The following PRKAR1B variants were observed in gnomAD, a reference collection of about 807,000 sequenced individuals.
PRKAR1B encodes protein kinase cAMP-dependent type I regulatory subunit beta, also known as cAMP-dependent protein kinase type I-beta regulatory subunit.
PRKAR1B carries 22 observed loss-of-function variants against 46.5 expected under a neutral mutation model. That is an observed-to-expected ratio of 0.47 (90% CI 0.34 to 0.68). PRKAR1B has a LOEUF of 0.68. Among genes scored for constraint, PRKAR1B ranks in the 30% least tolerant of loss-of-function variants. PRKAR1B has a pLI of 0.01. For missense variants in PRKAR1B, 445 were observed against 535.6 expected, an observed-to-expected ratio of 0.83 and a Z score of 1.67; for synonymous variants, 259 against 217.7, an observed-to-expected ratio of 1.19 and a Z score of -1.67.
At chr7:587,069 T>A (rs1780647131) in intron 7 of PRKAR1B, among the ~76,000 whole-genome samples, 1 of 152,050 alleles carries the variant, frequency 6.6e-6, no homozygotes, top group South Asian at 2.1e-4. Context: ...GTATTTTTAG[T>A]AGAAACGGGG....
At chr7:609,683 C>CACCT (rs1284146632) in intron 4 of PRKAR1B, among the ~76,000 whole-genome samples, 1 of 152,252 alleles carries the variant, frequency 6.6e-6, no homozygotes, top group Non-Finnish European at 1.5e-5. Context: ...TTCTGAAATG[C>CACCT]ACCTGGGTGA....
At chr7:689,966 C>T (rs1779321485) in intron 2 of PRKAR1B, among the ~76,000 whole-genome samples, 1 of 151,350 alleles carries the variant, frequency 6.6e-6, no homozygotes, top group South Asian at 2.1e-4. Flanking sequence ...CAGGCATGAG[C>T]CACCGCGCCT....
chr7:564,564 G>A (rs933946311), intron 9 of PRKAR1B, among the ~76,000 whole-genome samples: 1 of 152,150 alleles, frequency 6.6e-6, no homozygotes, highest in South Asian at 2.1e-4. Context: ...TCAGGCCCTC[G>A]ACTCCAGCCA....
intron 9 of PRKAR1B, among the ~76,000 whole-genome samples, chr7:555,009 C>T (rs1402776435): frequency 3.3e-5 from 5 of 152,300 alleles, no homozygotes; most frequent in Admixed American, 6.5e-5. Flanking sequence ...GCCGTGGCTC[C>T]GGGAGTCACC....
In PRKAR1B at chr7:685,400, A is replaced by ATG. The variant is rs1282976261; in HGVS notation, c.178-4676_178-4675dup. 1.3e-4 allele frequency among the ~76,000 whole-genome samples: 16 copies of ATG among 124,042 alleles called. 1 individual carries two copies. The highest frequency in any genetic ancestry group is 2.8e-4 in the South Asian group (1 of 3,616). The allele number at this position is 124,042 out of a possible 152,430, so 81.4% of individuals were successfully genotyped here. A position where few individuals can be genotyped will look rare whatever the true frequency, so the allele number is the denominator to read the frequency against. The stretch of plus-strand genomic sequence containing the variant: ...TATATACATACATATATATATATAT[A>ATG]TGTATATATATACCAAAAACATTCC... On this transcript the variant is annotated intron_variant, in intron 2 of 10. Transcript: ENST00000537384.
chr7:715,967 G>T (rs6962497), intron 1 of PRKAR1B, among the ~76,000 whole-genome samples: 3,395 of 151,932 alleles, frequency 0.022, 55 homozygotes, highest in Middle Eastern at 0.038. Context: ...CGCCCGCCTT[G>T]GCCTCCCAAA....
At chr7:591,621 G>A (rs985534705) in intron 7 of PRKAR1B, among the ~76,000 whole-genome samples, 2 of 152,240 alleles carry the variant, frequency 1.3e-5, no homozygotes, top group African/African-American at 4.8e-5. Flanking sequence ...AGGCCAAGGC[G>A]GGAGGGTCGC....
intron 2 of PRKAR1B, chr7:691,652 TC>T: frequency 2.3e-6 from 3 of 1,299,040 alleles, no homozygotes; most frequent in Non-Finnish European, 3.0e-6. Flanking sequence ...CGCCCAGGTC[TC>T]CAGGGAGCTG....
At chr7:656,261 G>C (rs1785179995) in intron 4 of PRKAR1B, among the ~76,000 whole-genome samples, 1 of 151,272 alleles carries the variant, frequency 6.6e-6, no homozygotes, top group Non-Finnish European at 1.5e-5. Context: ...TTAGTGGATG[G>C]GTGGGTGAAT....
At chr7:555,883 C>T (rs766204055) in intron 9 of PRKAR1B, among the ~76,000 whole-genome samples, 1 of 152,294 alleles carries the variant, frequency 6.6e-6, no homozygotes, top group African/African-American at 2.4e-5. Context: ...GACGGGAGCC[C>T]GGGAGGCAGA....
At chr7:576,308 G>T (rs562406407) in intron 9 of PRKAR1B, among the ~76,000 whole-genome samples, 2 of 152,292 alleles carry the variant, frequency 1.3e-5, no homozygotes, top group African/African-American at 4.8e-5. Context: ...CTCCTTCAAC[G>T]CTGGCCAGAA....
At chr7:663,483 T>C (rs1216207855) in intron 4 of PRKAR1B, among the ~76,000 whole-genome samples, 1 of 152,186 alleles carries the variant, frequency 6.6e-6, no homozygotes, top group African/African-American at 2.4e-5. Context: ...GCAATCCCCC[T>C]GCCTCAGCCT....
chr7:636,123 G>GA (rs1177430867), intron 4 of PRKAR1B, among the ~76,000 whole-genome samples: 1 of 21,398 alleles, frequency 4.7e-5, no homozygotes, highest in African/African-American at 1.9e-4. Context: ...TCCTCCACCG[G>GA]CCGCGCCCAC....
chr7:702,881 T>C (rs1562352989), intron 2 of PRKAR1B, among the ~76,000 whole-genome samples: 1 of 151,622 alleles, frequency 6.6e-6, no homozygotes, highest in Non-Finnish European at 1.5e-5. Context: ...CATCATAATA[T>C]ATACTATACT....
intron 4 of PRKAR1B, among the ~76,000 whole-genome samples, chr7:626,544 T>C (rs1783414547): frequency 1.3e-5 from 2 of 152,170 alleles, no homozygotes; most frequent in African/African-American, 4.8e-5. Context: ...AGCACAGATG[T>C]GTTCACTAGT....
intron 5 of PRKAR1B, among the ~76,000 whole-genome samples, chr7:606,767 C>CGTGT (rs71546453): frequency 0.1 from 15,266 of 148,264 alleles, 837 homozygotes; most frequent in East Asian, 0.16. Context: ...GAATTTTATG[C>CGTGT]GTGTGTGTGT....
intron 7 of PRKAR1B, among the ~76,000 whole-genome samples, chr7:591,975 C>T (rs945721806): frequency 2.0e-5 from 3 of 152,228 alleles, no homozygotes; most frequent in African/African-American, 2.4e-5. Context: ...CGCTGTGGAA[C>T]CCAGCGTGAC....
chr7:722,227 G>A (rs1035264580), intron 1 of PRKAR1B, among the ~76,000 whole-genome samples: 8 of 148,336 alleles, frequency 5.4e-5, no homozygotes, highest in South Asian at 2.2e-4. Context: ...CAGCCTCCCC[G>A]AGTAGCTGGG....
At chr7:665,940 A>G (rs1230563598) in intron 4 of PRKAR1B, among the ~76,000 whole-genome samples, 3 of 152,192 alleles carry the variant, frequency 2.0e-5, no homozygotes, top group African/African-American at 7.2e-5. Flanking sequence ...TGCTCAAGCC[A>G]GAGGCCTGTT....
Sources: allele counts gnomAD v4.1 joint callset (sites outside exome capture counted in the v4.1 genomes callset), GRCh38; gene constraint gnomAD v4.1.1; transcripts MANE v1.5; gene names NCBI Gene and HGNC (gene_info 2026-07-23, HGNC 2026-07-21).